FHDC1: variants seen among roughly 807,000 people sequenced by gnomAD.
FHDC1 encodes FH2 domain-containing protein 1.
In FHDC1, 25 loss-of-function variants were observed where a neutral mutation model predicts 52.6. That is an observed-to-expected ratio of 0.48 (90% confidence interval 0.35 to 0.66). The LOEUF is 0.66. Ranked by LOEUF, FHDC1 falls within the 30% of genes least tolerant of loss-of-function variation. FHDC1 has a pLI of 0.01. For synonymous variants in FHDC1, 616 were observed against 581.5 expected, an observed-to-expected ratio of 1.06 and a Z score of -0.85; for missense variants, 1,459 against 1,452.8, an observed-to-expected ratio of 1.00 and a Z score of -0.07.
At chr4:152,962,447 G>A (rs1354657272) in intron 6 of FHDC1, among the ~76,000 whole-genome samples, 2 of 152,194 alleles carry the variant, frequency 1.3e-5, no homozygotes, top group Non-Finnish European at 2.9e-5. Context: ...TCAAAGAGTA[G>A]TGGATATACA....
intron 9 of FHDC1, among the ~76,000 whole-genome samples, chr4:152,967,202 G>GC (rs1234369984): frequency 1.3e-5 from 2 of 152,192 alleles, no homozygotes; most frequent in African/African-American, 4.8e-5. Context: ...GAGGTGGGCA[G>GC]ATCATTTGAG....
At chr4:152,924,633 G>A in the FHDC1 span, among the ~76,000 whole-genome samples, 2 of 152,064 alleles carry the variant, frequency 1.3e-5, no homozygotes, top group Admixed American at 6.6e-5. Flanking sequence ...GTGATAGACT[G>A]GATTAAGAAA....
At chr4:152,942,805 T>TC in intron 1 of FHDC1, 123 bp from the exon 2 acceptor site, 1 of 442,922 alleles carries the variant, frequency 2.3e-6, no homozygotes, top group Non-Finnish European at 4.0e-6. Flanking sequence ...ACTTGGGATG[T>TC]GTTGCCCCTC....
Position 152,976,390 on chromosome 4 carries a change from G to C in FHDC1, c.3099G>C (p.Pro1033=). The change falls in exon 12 of 12, where the codon CCG becomes CCC. Residue 1033 remains proline (P), a synonymous_variant. Coordinates refer to ENST00000511601, the MANE Select transcript of FHDC1 (RefSeq NM_001371116.1). ...TCCCCCACGAACTACCCCGTGTCCCGAGCTTTGCCCGGAACACAGTGGCCT... is the reference window on the plus strand; with the variant it reads ...TCCCCCACGAACTACCCCGTGTCCCCAGCTTTGCCCGGAACACAGTGGCCT... The part of the protein sequence containing the change: ...PSVPHELPRV[P]SFARNTVASS... The C allele has an allele frequency of 6.2e-7, 1 of 1,613,786 alleles. No individual in the cohort carries two copies. Among genetic ancestry groups the C allele is most frequent in the Non-Finnish European group, 8.5e-7 (1 of 1,180,016 alleles).
chr4:152,975,332 C>T lies in FHDC1; in HGVS notation c.2041C>T (p.Gln681Ter). Residue 681 changes from glutamine (Q) to a stop codon, truncating the protein, a stop_gained, in exon 12 of 12, where the codon CAG becomes TAG. Transcript: ENST00000511601. LOFTEE classifies it low-confidence loss of function (END_TRUNC). ...KEHELVTGLA[Q>*]FNLQGSQGME... The stretch of plus-strand genomic sequence containing the variant: ...GCATGAGCTGGTGACAGGGCTGGCC[C>T]AGTTCAACCTCCAGGGTTCCCAGGG... 1 of 1,613,670 alleles carries T rather than the reference C, an allele frequency of 6.2e-7. No individual in the cohort carries two copies. The highest frequency in any genetic ancestry group is 8.5e-7 in the Non-Finnish European group (1 of 1,180,034).
the FHDC1 span, among the ~76,000 whole-genome samples, chr4:152,913,991 C>A: frequency 2.0e-5 from 3 of 152,118 alleles, no homozygotes; most frequent in Non-Finnish European, 4.4e-5. Context: ...CAGCCCTAAT[C>A]ACAATTTTAA....
intron 2 of FHDC1, among the ~76,000 whole-genome samples, chr4:152,944,509 G>C (rs1196786836): frequency 6.6e-6 from 1 of 152,196 alleles, no homozygotes; most frequent in African/African-American, 2.4e-5. Context: ...TTAGATAAGA[G>C]AGTAGGCAGG....
At chr4:152,939,962 G>C (rs746515890) in intron 1 of FHDC1, among the ~76,000 whole-genome samples, 1 of 152,208 alleles carries the variant, frequency 6.6e-6, no homozygotes, top group Non-Finnish European at 1.5e-5. Flanking sequence ...GTGAGAAACA[G>C]GCAGCCAATG....
At chr4:152,939,310 G>A (rs1431460310) in intron 1 of FHDC1, among the ~76,000 whole-genome samples, 1 of 152,066 alleles carries the variant, frequency 6.6e-6, no homozygotes. Context: ...ATGTGTGTGT[G>A]TATTTTAGTA....
intron 4 of FHDC1, among the ~76,000 whole-genome samples, chr4:152,956,371 G>A (rs1354876739): frequency 6.6e-6 from 1 of 152,136 alleles, no homozygotes; most frequent in Non-Finnish European, 1.5e-5. Context: ...CACAAGGGAG[G>A]CTGCCAGCTC....
chr4:152,916,466 G>A, the FHDC1 span, among the ~76,000 whole-genome samples: 2 of 151,936 alleles, frequency 1.3e-5, no homozygotes, highest in East Asian at 3.8e-4. Flanking sequence ...AGAGAAAGAT[G>A]TCAAAGTAAA....
At chr4:152,938,905 A>AGAACCACTCATTCTGAGCACCAGGACCG (rs1561200574) in intron 1 of FHDC1, among the ~76,000 whole-genome samples, 1 of 150,516 alleles carries the variant, frequency 6.6e-6, no homozygotes, top group African/African-American at 2.4e-5. Context: ...CACCAGGACC[A>AGAACCACTCATTCTGAGCACCAGGACCG]CTGGTGCAGA....
the FHDC1 span, chr4:152,912,250 G>T: frequency 6.6e-6 from 1 of 152,084 alleles, no homozygotes; most frequent in Admixed American, 6.5e-5. Context: ...CATTTACTTT[G>T]TTAGGAATGT....
chr4:152,949,115 T>TAAGAAGAAG (rs1458622582), intron 2 of FHDC1, among the ~76,000 whole-genome samples: 334 of 77,114 alleles, frequency 4.3e-3, no homozygotes, highest in East Asian at 8.7e-3. Context: ...ATAATAATAA[T>TAAGAAGAAG]AATAATAATA....
upstream of FHDC1, among the ~76,000 whole-genome samples, chr4:152,931,935 TAAAA>T (rs200667161): frequency 3.1e-5 from 3 of 95,304 alleles, no homozygotes; most frequent in African/African-American, 4.9e-5. Context: ...AGAACCTGTC[TAAAA>T]AAAAAAAAAA....
rs1740796694 is a variant in FHDC1, at chr4:152,974,929, T to C, written c.1638T>C (p.Ser546=). 1 of 1,612,312 alleles carries C rather than the reference T, an allele frequency of 6.2e-7. No homozygotes were observed. The highest frequency in any genetic ancestry group is 8.5e-7 in the Non-Finnish European group (1 of 1,179,822). ...TRRSRLSLGP[S]ADRELLTFLE... is the part of the protein sequence containing the mutation. ...GCTCCCGCCTCTCCCTGGGTCCCTCTGCTGACCGGGAGCTGCTGACCTTCT... is the reference window on the plus strand; with the variant it reads ...GCTCCCGCCTCTCCCTGGGTCCCTCCGCTGACCGGGAGCTGCTGACCTTCT... Residue 546 remains serine (S), a synonymous_variant, in exon 12 of 12, where the codon TCT becomes TCC. Coordinates refer to ENST00000511601, the MANE Select transcript of FHDC1 (RefSeq NM_001371116.1).
intron 1 of FHDC1, among the ~76,000 whole-genome samples, chr4:152,939,026 T>C (rs1561200606): frequency 6.6e-6 from 1 of 152,200 alleles, no homozygotes; most frequent in Non-Finnish European, 1.5e-5. Context: ...AGATGAAGCC[T>C]ATATACTCTT....
rs1157908220 is a variant in FHDC1 at position 152,975,007 on chromosome 4, C to T, written c.1716C>T (p.Pro572=). 2 of 1,612,514 alleles carry T rather than the reference C, an allele frequency of 1.2e-6. No homozygotes were observed. Among genetic ancestry groups the T allele is most frequent in the African/African-American group, 2.7e-5 (2 of 74,906 alleles). The change falls in exon 12 of 12, where the codon CCC becomes CCT. Residue 572 remains proline (P), a synonymous_variant. Coordinates refer to ENST00000511601, the MANE Select transcript of FHDC1 (RefSeq NM_001371116.1). The part of the protein sequence containing the change: ...PEEPNKFHSL[P]RSSPRQARPT... Reference sequence around the variant, plus strand: ...AGCCCAATAAGTTCCACAGCCTGCCCCGGAGCAGCCCCCGGCAGGCCCGGC... The same window carrying T: ...AGCCCAATAAGTTCCACAGCCTGCCTCGGAGCAGCCCCCGGCAGGCCCGGC...
At chr4:152,942,230 A>G (rs908045904) in intron 1 of FHDC1, among the ~76,000 whole-genome samples, 6 of 152,190 alleles carry the variant, frequency 3.9e-5, no homozygotes, top group African/African-American at 1.4e-4. Flanking sequence ...GTGTTCTCCT[A>G]ATTTTACAAA....
Sources: allele counts gnomAD v4.1 joint callset (sites outside exome capture counted in the v4.1 genomes callset), GRCh38; gene constraint gnomAD v4.1.1; transcripts MANE v1.5; gene names NCBI Gene and HGNC (gene_info 2026-07-23, HGNC 2026-07-21).